The following PTPRG variants were observed in gnomAD, a reference collection of about 807,000 sequenced individuals.
PTPRG encodes receptor-type tyrosine-protein phosphatase gamma.
PTPRG carries 102 observed loss-of-function variants against 165.3 expected under a neutral mutation model. The ratio of observed to expected loss-of-function variants is 0.62; its 90% CI spans 0.53 to 0.73. The LOEUF (loss-of-function observed/expected upper bound fraction) is 0.73. Among genes scored for constraint, PTPRG ranks in the 30% least tolerant of loss-of-function variants. The pLI, the probability that PTPRG is intolerant of heterozygous loss-of-function variation, is 0.00. For missense variants in PTPRG, 1,866 were observed against 1,861.4 expected (o/e 1.00, Z -0.05); for synonymous variants, 675 against 669.5 (o/e 1.01, Z -0.13).
intron 4 of PTPRG, among the ~76,000 whole-genome samples, chr3:62,041,461 A>C (rs887666494): frequency 2.6e-5 from 4 of 152,208 alleles, no homozygotes; most frequent in African/African-American, 9.6e-5. Flanking sequence ...TGAAATTAAC[A>C]AAGGATTGAG....
At chr3:62,013,075 T>C (rs2041464475) in intron 4 of PTPRG, among the ~76,000 whole-genome samples, 1 of 152,054 alleles carries the variant, frequency 6.6e-6, no homozygotes, top group Admixed American at 6.5e-5. Flanking sequence ...TTTTAACAAA[T>C]ATTTTTATAT....
chr3:62,033,200 C>A (rs959630157), intron 4 of PTPRG, among the ~76,000 whole-genome samples: 1 of 152,084 alleles, frequency 6.6e-6, no homozygotes, highest in Non-Finnish European at 1.5e-5. Flanking sequence ...ACCTCAGGAC[C>A]TATGAACCTA....
intron 1 of PTPRG, among the ~76,000 whole-genome samples, chr3:61,674,772 C>G (rs2107089328): frequency 6.6e-6 from 1 of 152,282 alleles, no homozygotes; most frequent in East Asian, 1.9e-4. Flanking sequence ...GTGGGAATTA[C>G]TGTTTACAAG....
chr3:62,246,571 G>C (rs925991433), intron 15 of PTPRG, among the ~76,000 whole-genome samples: 2 of 151,834 alleles, frequency 1.3e-5, no homozygotes, highest in African/African-American at 4.8e-5. Flanking sequence ...GCAGTACAAC[G>C]GTGTCTCATA....
intron 2 of PTPRG, among the ~76,000 whole-genome samples, chr3:61,928,131 A>G (rs964166735): frequency 6.6e-6 from 1 of 152,206 alleles, no homozygotes; most frequent in African/African-American, 2.4e-5. Flanking sequence ...TAGGAGACTC[A>G]CACACAGTCA....
chr3:61,579,033 CAG>C (rs1460960279), intron 1 of PTPRG, among the ~76,000 whole-genome samples: 2 of 152,138 alleles, frequency 1.3e-5, no homozygotes, highest in African/African-American at 4.8e-5. Context: ...CTTGGAAACT[CAG>C]GGGAGGGCTT....
intron 1 of PTPRG, among the ~76,000 whole-genome samples, chr3:61,611,931 C>G (rs1333226405): frequency 6.6e-6 from 1 of 151,960 alleles, no homozygotes; most frequent in Non-Finnish European, 1.5e-5. Context: ...TTTGTTAACC[C>G]CTGCTGTAAG....
intron 4 of PTPRG, among the ~76,000 whole-genome samples, chr3:62,063,368 C>T (rs1462531825): frequency 6.6e-6 from 1 of 152,196 alleles, no homozygotes; most frequent in Non-Finnish European, 1.5e-5. Flanking sequence ...AAATGCCTCT[C>T]TCTAATCATT....
At chr3:61,768,248 G>C (rs2034097048) in intron 2 of PTPRG, among the ~76,000 whole-genome samples, 1 of 152,138 alleles carries the variant, frequency 6.6e-6, no homozygotes, top group Admixed American at 6.5e-5. Context: ...GTAACTCACA[G>C]GTATGATGTA....
At chr3:62,083,040 T>C (rs1483967524) in intron 5 of PTPRG, among the ~76,000 whole-genome samples, 6 of 152,142 alleles carry the variant, frequency 3.9e-5, no homozygotes, top group Non-Finnish European at 7.4e-5. Context: ...AATAAAAATA[T>C]TGTCAAGGGA....
At chr3:61,837,757 T>C (rs543705456) in intron 2 of PTPRG, among the ~76,000 whole-genome samples, 29 of 152,198 alleles carry the variant, frequency 1.9e-4, no homozygotes, top group Middle Eastern at 3.2e-3. Context: ...ATTAGTCCAT[T>C]AGGGCAGCTA....
At chr3:61,633,473 T>A (rs1701822053) in intron 1 of PTPRG, among the ~76,000 whole-genome samples, 1 of 152,230 alleles carries the variant, frequency 6.6e-6, no homozygotes, top group African/African-American at 2.4e-5. Context: ...CATTTTAATT[T>A]AATTTTTGGA....
At chr3:61,917,746 A>G (rs543202476) in intron 2 of PTPRG, among the ~76,000 whole-genome samples, 1 of 152,286 alleles carries the variant, frequency 6.6e-6, no homozygotes, top group South Asian at 2.1e-4. Context: ...CCTGGCCGAC[A>G]TGGTGAAACC....
Position 62,166,331 on chromosome 3 carries a change from T to A in PTPRG, c.841-1640T>A, listed in dbSNP as rs534348103. ...GTAATAGAATTACTTTTTTTATTTT[T>A]AAAAATTTTTTTATTATTTTTTTGA... On this transcript the variant is annotated intron_variant, in intron 7 of 29. Transcript: ENST00000474889. Among the ~76,000 whole-genome samples the A allele has an allele frequency of 8.0e-5, 12 of 150,912 alleles. No homozygotes were observed. In the East Asian group the frequency reaches 2.0e-3, roughly 25 times the overall value.
At chr3:62,003,153 A>G (rs1396752366) in intron 3 of PTPRG, among the ~76,000 whole-genome samples, 196 bp from the exon 4 acceptor site, 1 of 152,146 alleles carries the variant, frequency 6.6e-6, no homozygotes, top group Non-Finnish European at 1.5e-5. Flanking sequence ...TTTAGGGCCA[A>G]CTGGTGCTCT....
intron 2 of PTPRG, among the ~76,000 whole-genome samples, chr3:61,931,578 CAA>C (rs1488946016): frequency 2.0e-4 from 31 of 152,192 alleles, no homozygotes; most frequent in African/African-American, 7.5e-4. Context: ...TTACACAAGT[CAA>C]GACCCCGTGT....
intron 5 of PTPRG, among the ~76,000 whole-genome samples, chr3:62,118,702 C>T (rs532497893): frequency 6.6e-6 from 1 of 152,176 alleles, no homozygotes; most frequent in Non-Finnish European, 1.5e-5. Context: ...TGATAATCCC[C>T]TGGTCTGTAT....
At chr3:62,085,641 T>C (rs1034833778) in intron 5 of PTPRG, among the ~76,000 whole-genome samples, 10 of 152,258 alleles carry the variant, frequency 6.6e-5, no homozygotes, top group African/African-American at 2.4e-4. Flanking sequence ...CTGTGTGTTT[T>C]AGTTCATCTG....
chr3:61,624,031 C>T (rs1344512415), intron 1 of PTPRG, among the ~76,000 whole-genome samples: 3 of 152,178 alleles, frequency 2.0e-5, no homozygotes, highest in Non-Finnish European at 4.4e-5. Flanking sequence ...TAAAGAGCAG[C>T]CACTGAACTC....
Sources: gnomAD v4.1 joint callset for allele counts (sites outside exome capture counted in the v4.1 genomes callset) on GRCh38, gnomAD v4.1.1 for gene constraint, MANE v1.5 for transcripts, NCBI Gene and HGNC (gene_info 2026-07-23, HGNC 2026-07-21) for gene names.